PTCHD4: variants seen among roughly 807,000 people sequenced by gnomAD.
PTCHD4 encodes patched domain-containing protein 4.
A neutral mutation model predicts 58.1 loss-of-function variants in PTCHD4; 33 were observed. The observed-to-expected ratio is 0.57, with a 90% CI of 0.43 to 0.76. The LOEUF (loss-of-function observed/expected upper bound fraction) is 0.76. Among genes scored for constraint, PTCHD4 ranks in the 30% least tolerant of loss-of-function variants. The pLI is 0.00. For synonymous variants in PTCHD4, 478 were observed against 409.6 expected (o/e 1.17, Z -2.02); for missense variants, 1,058 against 1,027.1 (o/e 1.03, Z -0.41).
At chr6:48,024,515 C>G (rs1763174583) in intron 3 of PTCHD4, among the ~76,000 whole-genome samples, 1 of 152,118 alleles carries the variant, frequency 6.6e-6, no homozygotes, top group Admixed American at 6.6e-5. Flanking sequence ...ACCACCTAGA[C>G]ATAGGCTTTC....
intron 4 of PTCHD4, among the ~76,000 whole-genome samples, chr6:47,908,091 G>A (rs998245864): frequency 3.9e-5 from 6 of 152,100 alleles, no homozygotes; most frequent in Non-Finnish European, 8.8e-5. Context: ...TGGCCCCTGA[G>A]TAGCCCACAC....
intron 4 of PTCHD4, among the ~76,000 whole-genome samples, chr6:47,947,678 C>T (rs1766478328): frequency 6.6e-6 from 1 of 151,708 alleles, no homozygotes; most frequent in Non-Finnish European, 1.5e-5. Flanking sequence ...TGTTCTTTTC[C>T]TCTCTAGCTG....
At chr6:48,077,307 A>G (rs1297631069) in intron 1 of PTCHD4, among the ~76,000 whole-genome samples, 1 of 152,338 alleles carries the variant, frequency 6.6e-6, no homozygotes, top group East Asian at 1.9e-4. Flanking sequence ...TGTCCTTTGA[A>G]GCAGGACATT....
chr6:47,925,752 G>C (rs114700233), intron 4 of PTCHD4, among the ~76,000 whole-genome samples: 1 of 152,072 alleles, frequency 6.6e-6, no homozygotes, highest in South Asian at 2.1e-4. Context: ...CCCTTTCTTC[G>C]CTTCTGGTCA....
chr6:47,988,144 G>T (rs879360541), intron 4 of PTCHD4, among the ~76,000 whole-genome samples: 2 of 151,880 alleles, frequency 1.3e-5, no homozygotes, highest in Non-Finnish European at 2.9e-5. Flanking sequence ...AATATTAAAA[G>T]AAAAAAATAA....
rs541584200 is a variant in PTCHD4, at chr6:48,108,698, C to T, written c.-970+2351G>A. The stretch of plus-strand genomic sequence containing the variant: ...GGAGAAACAATTATAGCCTTATCTG[C>T]AATGAAAAGTATCAATAATAGATTA... On this transcript the variant is annotated intron_variant, in intron 1 of 4. Transcript: ENST00000339488. 4.6e-5 allele frequency among the ~76,000 whole-genome samples: 7 copies of T among 151,974 alleles called. No individual in the cohort carries two copies. In the East Asian group the frequency reaches 1.4e-3, roughly 29 times the overall value.
intron 4 of PTCHD4, among the ~76,000 whole-genome samples, chr6:47,891,774 AATT>A (rs1189027921): frequency 2.0e-5 from 3 of 151,994 alleles, no homozygotes; most frequent in Non-Finnish European, 4.4e-5. Context: ...TCCTCATTGT[AATT>A]AGTCAATAAA....
chr6:48,070,155 GTA>G (rs910679496), intron 1 of PTCHD4, among the ~76,000 whole-genome samples: 1,196 of 100,278 alleles, frequency 0.012, 10 homozygotes, highest in African/African-American at 0.034. Context: ...GTGTGTGTGT[GTA>G]TATATATATA....
chr6:47,934,263 C>G (rs887570188), intron 4 of PTCHD4, among the ~76,000 whole-genome samples: 41 of 152,118 alleles, frequency 2.7e-4, no homozygotes, highest in African/African-American at 9.7e-4. Flanking sequence ...GACTCTGGCT[C>G]TGAGAGAGTT....
rs538227297 is a variant in PTCHD4 at position 47,940,109 on chromosome 6, T to C, written c.899-60173A>G. Among the ~76,000 whole-genome samples the C allele has an allele frequency of 2.6e-5, 4 of 152,208 alleles. No individual in the cohort carries two copies. In the South Asian group the frequency reaches 8.3e-4, roughly 32 times the overall value. ...TGATCATAATTGTTTTCTGCAAAGG[T>C]CCCTTATCCAGTGGTAGAAATGGAT... On this transcript the variant is annotated intron_variant, in intron 4 of 4. Coordinates refer to ENST00000339488, the MANE Select transcript of PTCHD4 (RefSeq NM_001384253.1).
intron 4 of PTCHD4, among the ~76,000 whole-genome samples, chr6:47,896,882 C>G (rs1204674777): frequency 6.6e-6 from 1 of 152,108 alleles, no homozygotes; most frequent in Non-Finnish European, 1.5e-5. Flanking sequence ...CGACCAAAAC[C>G]CAAATCGTCA....
At chr6:48,016,341 T>C (rs760719033) in intron 3 of PTCHD4, among the ~76,000 whole-genome samples, 53 of 152,004 alleles carry the variant, frequency 3.5e-4, no homozygotes, top group Non-Finnish European at 7.2e-4. Flanking sequence ...TACAAATCCA[T>C]TGATGAGTTT....
intron 1 of PTCHD4, among the ~76,000 whole-genome samples, chr6:48,109,371 T>C (rs1765813256): frequency 6.6e-6 from 1 of 152,112 alleles, no homozygotes; most frequent in South Asian, 2.1e-4. Flanking sequence ...CTTACTGTAT[T>C]AAAAAAGTAG....
intron 3 of PTCHD4, among the ~76,000 whole-genome samples, chr6:48,019,972 T>A (rs1006796540): frequency 4.0e-5 from 6 of 150,132 alleles, no homozygotes; most frequent in African/African-American, 1.2e-4. Context: ...TACACAAAGG[T>A]GTAGATCTGC....
At chr6:48,027,944 G>C (rs545601092) in intron 3 of PTCHD4, among the ~76,000 whole-genome samples, 1 of 151,916 alleles carries the variant, frequency 6.6e-6, no homozygotes, top group South Asian at 2.1e-4. Flanking sequence ...TTTTTGTTCT[G>C]GTTTTTTGTT....
At chr6:47,922,014 C>T (rs1480337373) in intron 4 of PTCHD4, among the ~76,000 whole-genome samples, 1 of 151,028 alleles carries the variant, frequency 6.6e-6, no homozygotes, top group Non-Finnish European at 1.5e-5. Flanking sequence ...TGGTGCATGC[C>T]TGAGCCCCAG....
chr6:48,079,535 G>C (rs1765123749), intron 1 of PTCHD4, among the ~76,000 whole-genome samples: 1 of 151,486 alleles, frequency 6.6e-6, no homozygotes, highest in Non-Finnish European at 1.5e-5. Flanking sequence ...TCTGGTAACA[G>C]CATCCCTGGC....
At chr6:47,969,066 T>C (rs1767405275) in intron 4 of PTCHD4, among the ~76,000 whole-genome samples, 1 of 152,332 alleles carries the variant, frequency 6.6e-6, no homozygotes, top group Admixed American at 6.5e-5. Flanking sequence ...TGAATTCCAC[T>C]TGACATTGCT....
intron 3 of PTCHD4, among the ~76,000 whole-genome samples, chr6:48,025,083 T>C (rs1427784503): frequency 6.6e-6 from 1 of 152,194 alleles, no homozygotes; most frequent in African/African-American, 2.4e-5. Flanking sequence ...CAATGCAATA[T>C]TTCATTCTTG....
Sources: gnomAD v4.1 joint callset for allele counts (sites outside exome capture counted in the v4.1 genomes callset) on GRCh38, gnomAD v4.1.1 for gene constraint, MANE v1.5 for transcripts, NCBI Gene and HGNC (gene_info 2026-07-23, HGNC 2026-07-21) for gene names.